The following ZNF804A variants were observed in gnomAD, a reference collection of about 807,000 sequenced individuals.
The protein encoded by ZNF804A is zinc finger protein 804A.
Under a neutral mutation model 16.5 loss-of-function variants are expected in ZNF804A, and 2 were observed. That is an observed-to-expected ratio of 0.12 (90% CI 0.05 to 0.38). The LOEUF (loss-of-function observed/expected upper bound fraction) is 0.38. ZNF804A is among the 10% of genes least tolerant of loss of function. The pLI, the probability that ZNF804A is intolerant of heterozygous loss-of-function variation, is 0.99. For synonymous variants in ZNF804A, 534 were observed against 489.6 expected, an observed-to-expected ratio of 1.09 and a Z score of -1.20; for missense variants, 1,473 against 1,390.7, an observed-to-expected ratio of 1.06 and a Z score of -0.94.
At position 184,933,711 on chromosome 2, in the gene ZNF804A, G is replaced by A. The variant is rs1482278138; in HGVS notation, c.364G>A (p.Glu122Lys). ...ACTCCAACGCCTGCACAAGCTGGCT[G>A]AGCTAAGAAAGGAAACTGTATGGTG... The part of the protein sequence containing the change: ...KALQRLHKLA[E>K]LRKETVCAPG... Residue 122 changes from glutamate (E) to lysine (K), a missense_variant, in exon 3 of 4, where the codon GAG (glutamate) becomes AAG (lysine). Transcript: ENST00000302277. 1.9e-6 allele frequency: 3 copies of A among 1,604,150 alleles called. No homozygotes were observed.
At chr2:184,641,600 C>T (rs898659899) in intron 1 of ZNF804A, among the ~76,000 whole-genome samples, 5 of 152,164 alleles carry the variant, frequency 3.3e-5, no homozygotes, top group Non-Finnish European at 7.4e-5. Context: ...TGCACTGTTT[C>T]ATTATAGTCC....
intron 1 of ZNF804A, among the ~76,000 whole-genome samples, chr2:184,642,559 T>A (rs919911946): frequency 6.6e-6 from 1 of 152,158 alleles, no homozygotes; most frequent in Admixed American, 6.5e-5. Flanking sequence ...ACTATAGAAG[T>A]AAGATAGTAT....
intron 2 of ZNF804A, among the ~76,000 whole-genome samples, chr2:184,867,646 G>T (rs1020567233): frequency 2.0e-5 from 3 of 152,050 alleles, no homozygotes; most frequent in Non-Finnish European, 4.4e-5. Context: ...TGGCCCACTG[G>T]TTAAGGGAAA....
intron 1 of ZNF804A, among the ~76,000 whole-genome samples, chr2:184,754,040 A>G (rs572286398): frequency 6.6e-6 from 1 of 151,888 alleles, no homozygotes; most frequent in South Asian, 2.1e-4. Flanking sequence ...CCATATCTGT[A>G]TTTATGATCT....
At chr2:184,726,960 A>G (rs1693422657) in intron 1 of ZNF804A, among the ~76,000 whole-genome samples, 1 of 151,634 alleles carries the variant, frequency 6.6e-6, no homozygotes, top group South Asian at 2.1e-4. Context: ...TTAGAAGTTG[A>G]ATGCTCTAGC....
At chr2:184,621,783 A>T (rs959974603) in intron 1 of ZNF804A, among the ~76,000 whole-genome samples, 1 of 151,800 alleles carries the variant, frequency 6.6e-6, no homozygotes, top group South Asian at 2.1e-4. Context: ...ATAACATTTT[A>T]TAATGTATAG....
At chr2:184,696,000 A>G (rs954375291) in intron 1 of ZNF804A, among the ~76,000 whole-genome samples, 1 of 152,176 alleles carries the variant, frequency 6.6e-6, no homozygotes, top group Admixed American at 6.5e-5. Context: ...AGTTCTAACC[A>G]GCATAACCAA....
intron 3 of ZNF804A, 50 bp from the exon 4 acceptor site, chr2:184,935,733 T>G: frequency 6.7e-7 from 1 of 1,493,250 alleles, no homozygotes; most frequent in East Asian, 2.3e-5. Flanking sequence ...TGACTATTTT[T>G]TTTTCTCAAA....
intron 1 of ZNF804A, among the ~76,000 whole-genome samples, chr2:184,603,118 C>T (rs992171666): frequency 3.3e-4 from 50 of 152,020 alleles, no homozygotes; most frequent in Admixed American, 6.6e-4. Flanking sequence ...TACTATGTTC[C>T]GCAAGAAAAG....
intron 2 of ZNF804A, among the ~76,000 whole-genome samples, chr2:184,871,550 A>C (rs1695976972): frequency 6.6e-6 from 1 of 151,958 alleles, no homozygotes; most frequent in Non-Finnish European, 1.5e-5. Flanking sequence ...AAGAGTGAGA[A>C]TTAACAGGAA....
At position 184,663,614 on chromosome 2, in the gene ZNF804A, A is replaced by C. The variant is rs561487204; in HGVS notation, c.111+64544A>C. Among the ~76,000 whole-genome samples, 5 of 152,208 alleles carry C rather than the reference A, an allele frequency of 3.3e-5. No homozygotes were observed. In the South Asian group the frequency reaches 8.3e-4, roughly 25 times the overall value. On this transcript the variant is annotated intron_variant, in intron 1 of 3. Coordinates refer to ENST00000302277, the MANE Select transcript of ZNF804A (RefSeq NM_194250.2). ...CTTCAAGCCAGGGATGGCCGGAAGC[A>C]ATGGGGGCCAGGCTGTCAGTTCTGG...
chr2:184,636,427 G>A (rs1269548895), intron 1 of ZNF804A, among the ~76,000 whole-genome samples: 1 of 127,074 alleles, frequency 7.9e-6, no homozygotes, highest in African/African-American at 2.9e-5. Context: ...CTAGGGCTGT[G>A]TGTGTGTGTG....
At chr2:184,678,619 A>G (rs1692480130) in intron 1 of ZNF804A, among the ~76,000 whole-genome samples, 1 of 152,214 alleles carries the variant, frequency 6.6e-6, no homozygotes, top group Non-Finnish European at 1.5e-5. Flanking sequence ...ATGCCGGAGA[A>G]AAGCATTTGC....
chr2:184,892,830 C>T (rs1685009073), intron 2 of ZNF804A, among the ~76,000 whole-genome samples: 1 of 152,088 alleles, frequency 6.6e-6, no homozygotes, highest in South Asian at 2.1e-4. Flanking sequence ...GACGTCCTTA[C>T]CTCATGTCTC....
At chr2:184,623,508 T>G (rs1574135985) in intron 1 of ZNF804A, among the ~76,000 whole-genome samples, 1 of 152,148 alleles carries the variant, frequency 6.6e-6, no homozygotes, top group African/African-American at 2.4e-5. Flanking sequence ...TCATATATTT[T>G]TACTATGTTA....
intron 1 of ZNF804A, 116 bp from the exon 2 acceptor site, chr2:184,866,253 C>A: frequency 1.2e-6 from 1 of 838,978 alleles, no homozygotes; most frequent in Non-Finnish European, 1.7e-6. Flanking sequence ...CTTTCTTTTT[C>A]TCTTTGCTGT....
At chr2:184,809,314 G>C (rs567465348) in intron 1 of ZNF804A, among the ~76,000 whole-genome samples, 1 of 151,746 alleles carries the variant, frequency 6.6e-6, no homozygotes, top group East Asian at 1.9e-4. Context: ...AGGGACTCAA[G>C]AAAAGAATGA....
chr2:184,642,549 A>G (rs1202779518), intron 1 of ZNF804A, among the ~76,000 whole-genome samples: 3 of 152,172 alleles, frequency 2.0e-5, no homozygotes, highest in Non-Finnish European at 4.4e-5. Context: ...AGGAAAAAGA[A>G]CTATAGAAGT....
intron 1 of ZNF804A, among the ~76,000 whole-genome samples, chr2:184,604,492 A>G (rs761874643): frequency 5.6e-4 from 86 of 152,260 alleles, no homozygotes; most frequent in Non-Finnish European, 1.1e-3. Context: ...ATGAAAATAC[A>G]GATCAGCGAG....
Sources: allele counts gnomAD v4.1 joint callset (sites outside exome capture counted in the v4.1 genomes callset), GRCh38; gene constraint gnomAD v4.1.1; transcripts MANE v1.5; gene names NCBI Gene and HGNC (gene_info 2026-07-23, HGNC 2026-07-21).